The following ABCA1 variants were observed in gnomAD, a reference collection of about 807,000 sequenced individuals.
ABCA1 encodes ATP binding cassette subfamily A member 1, also known as phospholipid-transporting ATPase ABCA1.
In ABCA1, 133 loss-of-function variants were observed where a neutral mutation model predicts 262.5. The observed-to-expected ratio is 0.51, with a 90% CI of 0.44 to 0.59. The LOEUF is 0.59. Among genes scored for constraint, ABCA1 ranks in the 20% least tolerant of loss-of-function variants. The pLI is 0.00. For synonymous variants in ABCA1, 1,022 were observed against 1,043.5 expected, an observed-to-expected ratio of 0.98 and a Z score of 0.40; for missense variants, 2,452 against 2,777.5, an observed-to-expected ratio of 0.88 and a Z score of 2.63.
intron 25 of ABCA1, among the ~76,000 whole-genome samples, chr9:104,814,943 C>CA (rs774665885): frequency 3.9e-5 from 6 of 152,022 alleles, no homozygotes; most frequent in Non-Finnish European, 8.8e-5. Context: ...TGCAGTGAGC[C>CA]AAAATCGCAC....
At chr9:104,864,671 T>C (rs996619138) in intron 5 of ABCA1, among the ~76,000 whole-genome samples, 6 of 152,104 alleles carry the variant, frequency 3.9e-5, no homozygotes, top group Non-Finnish European at 7.4e-5. Context: ...AGCTTCCTCC[T>C]GAGCAGAGCC....
chr9:104,839,867 T>C (rs1834208713), intron 9 of ABCA1, among the ~76,000 whole-genome samples: 1 of 152,216 alleles, frequency 6.6e-6, no homozygotes, highest in East Asian at 1.9e-4. Flanking sequence ...ACGATGTACA[T>C]CAAGATCCCA....
In ABCA1 at chr9:104,785,403, A is replaced by G; in HGVS notation, c.6638T>C (p.Leu2213Pro). Residue 2213 changes from leucine to proline, a missense_variant, in exon 49 of 50, where the codon CTT (leucine) becomes CCT (proline). Transcript: ENST00000374736. ...IEDYSVSQTT[L>P]DQVFVNFAKD... is the part of the protein sequence containing the mutation. The stretch of plus-strand genomic sequence containing the variant: ...TTGACACTCAAAGCTTACTTGGTCA[A>G]GTGTTGTCTGAGAAACAGAGTAGTC... 6.2e-7 allele frequency: 1 copy of G among 1,614,004 alleles called. No homozygotes were observed. The highest frequency in any genetic ancestry group is 8.5e-7 in the Non-Finnish European group (1 of 1,179,898).
intron 7 of ABCA1, among the ~76,000 whole-genome samples, chr9:104,857,897 A>G (rs1271407803): frequency 6.6e-6 from 1 of 152,222 alleles, no homozygotes; most frequent in Non-Finnish European, 1.5e-5. Flanking sequence ...TTGTTCTGGA[A>G]CTATATAAAA....
At chr9:104,789,857 G>A (rs538584660) in intron 44 of ABCA1, among the ~76,000 whole-genome samples, 2 of 152,264 alleles carry the variant, frequency 1.3e-5, no homozygotes, top group East Asian at 1.9e-4. Flanking sequence ...ACTTTGGGAG[G>A]CTGAGGCAGG....
intron 8 of ABCA1, among the ~76,000 whole-genome samples, chr9:104,841,570 C>T (rs940446427): frequency 1.3e-5 from 2 of 152,184 alleles, no homozygotes; most frequent in Admixed American, 6.5e-5. Flanking sequence ...TCACGGAGCT[C>T]GCTGAGACAC....
chr9:104,807,290 C>T (rs1286952551), intron 30 of ABCA1, among the ~76,000 whole-genome samples: 1 of 152,208 alleles, frequency 6.6e-6, no homozygotes, highest in Non-Finnish European at 1.5e-5. Flanking sequence ...AAGAGCTACG[C>T]TGTCTACAAA....
chr9:104,906,352 C>G (rs954189574), intron 1 of ABCA1, among the ~76,000 whole-genome samples: 1 of 152,114 alleles, frequency 6.6e-6, no homozygotes, highest in African/African-American at 2.4e-5. Flanking sequence ...ACACAACGTT[C>G]ATGAGAAGAA....
intron 15 of ABCA1, among the ~76,000 whole-genome samples, chr9:104,827,484 A>T (rs1460927315): frequency 6.6e-6 from 1 of 152,210 alleles, no homozygotes; most frequent in Non-Finnish European, 1.5e-5. Flanking sequence ...TCCTTATATA[A>T]GGACTATGAC....
chr9:104,816,400 G>T, intron 24 of ABCA1, 55 bp from the exon 25 acceptor site: 1 of 1,552,640 alleles, frequency 6.4e-7, no homozygotes, highest in East Asian at 2.2e-5. Flanking sequence ...GCTTCGGAGT[G>T]AGGGCTGGCC....
intron 11 of ABCA1, among the ~76,000 whole-genome samples, chr9:104,834,276 GC>G (rs1331093325): frequency 1.3e-5 from 2 of 149,420 alleles, no homozygotes; most frequent in African/African-American, 4.9e-5. Context: ...ATTTCAGTAG[GC>G]TACATCCCTG....
chr9:104,927,971 AC>A lies in ABCA1; in HGVS notation c.-130del, dbSNP rs1826486939. 1.3e-5 allele frequency: 2 copies of A among 151,998 alleles called. No homozygotes were observed. Among genetic ancestry groups the A allele is most frequent in the African/African-American group, 4.8e-5 (2 of 41,374 alleles). The allele number at this position is 151,998 out of a possible 1,614,324, so 9.4% of individuals were successfully genotyped here. ...TTTTGTGTTTGCGTCTCTTTCTCCT[AC>A]CCCTTGACAAGCCTTCCGGAGAAGG... On this transcript the variant is annotated 5_prime_UTR_variant, in exon 1 of 50. Transcript: ENST00000374736.
At chr9:104,885,146 G>A (rs1379946502) in intron 3 of ABCA1, among the ~76,000 whole-genome samples, 1 of 152,194 alleles carries the variant, frequency 6.6e-6, no homozygotes, top group Non-Finnish European at 1.5e-5. Context: ...TGAGGCAGGA[G>A]AATCGCTTGA....
At position 104,817,171 on chromosome 9, in the gene ABCA1, C is replaced by T. The variant is rs574566691; in HGVS notation, c.3535+161G>A. On this transcript the variant is annotated intron_variant, in intron 24 of 49. Coordinates refer to ENST00000374736, the MANE Select transcript of ABCA1 (RefSeq NM_005502.4). This position sits in a 1 kb window ranked among gnomAD's most constrained non-coding sequence, Gnocchi z 4.7. Reference sequence around the variant, plus strand: ...CACCCCAGCAAGCATTAGGCCAACCCGCCACCAAGCTGCTCCCACACCCGC... The same window carrying T: ...CACCCCAGCAAGCATTAGGCCAACCTGCCACCAAGCTGCTCCCACACCCGC... The T allele has an allele frequency of 4.0e-5, 39 of 982,264 alleles. No homozygotes were observed. The highest frequency in any genetic ancestry group is 1.2e-4 in the Admixed American group (2 of 16,250). The allele number at this position is 982,264 out of a possible 1,614,324, so 60.8% of individuals were successfully genotyped here.
At chr9:104,883,213 G>C in intron 4 of ABCA1, 56 bp from the exon 5 acceptor site, 2 of 1,458,512 alleles carry the variant, frequency 1.4e-6, no homozygotes, top group Non-Finnish European at 1.9e-6. Context: ...TGCCTCTGCT[G>C]CTTTACAGAA....
intron 5 of ABCA1, among the ~76,000 whole-genome samples, chr9:104,872,281 C>T (rs1282426831): frequency 6.6e-6 from 1 of 152,128 alleles, no homozygotes; most frequent in Non-Finnish European, 1.5e-5. Flanking sequence ...AATTTGAACC[C>T]AAACAGCTTT....
Position 104,783,407 on chromosome 9 carries a change from A to G in ABCA1, c.*908T>C, listed in dbSNP as rs929247205. On this transcript the variant is annotated 3_prime_UTR_variant, in exon 50 of 50. Transcript: ENST00000374736. Reference sequence around the variant, plus strand: ...CAGTGTACCATGTTAGCAGACAGTCAGGACAAATGGGCACAGGCTTCCCTA... The same window carrying G: ...CAGTGTACCATGTTAGCAGACAGTCGGGACAAATGGGCACAGGCTTCCCTA... The G allele has an allele frequency of 1.3e-5, 2 of 152,250 alleles. No individual in the cohort carries two copies. The highest frequency in any genetic ancestry group is 4.8e-5 in the African/African-American group (2 of 41,468). The allele number at this position is 152,250 out of a possible 1,614,324, so 9.4% of individuals were successfully genotyped here.
rs746250369 is a variant in ABCA1 at position 104,884,613 on chromosome 9, TCC to T, written c.161-47_161-46del. On this transcript the variant is annotated intron_variant, in intron 3 of 49. Transcript: ENST00000374736. ...GAAAAACACAGGGAGAAACATTAAT[TCC>T]CTGAAGCGATTTTGAGGCTCCATTT... 5.6e-6 allele frequency: 9 copies of T among 1,611,622 alleles called. No individual in the cohort carries two copies. In the African/African-American group the frequency reaches 1.2e-4, roughly 22 times the overall value.
At chr9:104,841,360 A>T (rs899124696) in intron 8 of ABCA1, among the ~76,000 whole-genome samples, 3 of 152,052 alleles carry the variant, frequency 2.0e-5, no homozygotes, top group African/African-American at 7.3e-5. Flanking sequence ...GAATTGCTTG[A>T]ACCCGGGAGG....
Sources: allele counts gnomAD v4.1 joint callset (sites outside exome capture counted in the v4.1 genomes callset), GRCh38; gene constraint gnomAD v4.1.1; non-coding constraint Gnocchi (gnomAD v3.1); transcripts MANE v1.5; gene names NCBI Gene and HGNC (gene_info 2026-07-23, HGNC 2026-07-21).